ZNF674: variants seen among roughly 807,000 people sequenced by gnomAD.
The protein encoded by ZNF674 is zinc finger protein 674.
Under a neutral mutation model 7.0 loss-of-function variants are expected in ZNF674, and 2 were observed. The ratio of observed to expected loss-of-function variants is 0.29; its 90% CI spans 0.12 to 0.90. The LOEUF (loss-of-function observed/expected upper bound fraction) is 0.90. Ranked by LOEUF, ZNF674 falls within the 40% of genes least tolerant of loss-of-function variation. The pLI is 0.57. For missense variants in ZNF674, 297 were observed against 415.5 expected (o/e 0.71, Z 2.48); for synonymous variants, 103 against 145.2 (o/e 0.71, Z 2.09).
chrX:46,511,046 T>C (rs1941644428), intron 5 of ZNF674, among the ~76,000 whole-genome samples: 1 of 111,851 alleles, frequency 8.9e-6, no homozygotes, highest in Admixed American at 9.6e-5. Flanking sequence ...AACAATGCAT[T>C]TGTGGCACAT....
chrX:46,508,825 A>T (rs2146593227), intron 5 of ZNF674, among the ~76,000 whole-genome samples: 1 of 110,840 alleles, frequency 9.0e-6, no homozygotes, highest in African/African-American at 3.3e-5. Flanking sequence ...GTATCCTGAG[A>T]CTTTGCTGAA....
intron 3 of ZNF674, among the ~76,000 whole-genome samples, chrX:46,532,555 A>G (rs947062180): frequency 3.6e-5 from 4 of 112,019 alleles, no homozygotes; most frequent in Non-Finnish European, 7.5e-5. Context: ...TAAACCACGC[A>G]GTGTCAAGTT....
Position 46,499,772 on chromosome X carries a change from A to G in ZNF674, c.*71T>C, listed in dbSNP as rs1284463525. 5 of 798,501 alleles carry G rather than the reference A, an allele frequency of 6.3e-6. No homozygotes were observed. The highest frequency in any genetic ancestry group is 8.5e-6 in the Non-Finnish European group (5 of 589,198). 65.8% of individuals were successfully genotyped at this position (798,501 alleles called of 1,213,427 possible). ...TAAGATTACTCGCCATGATTATTTGACAAATAATGAGACTAGTAATAGTCA... is the reference window on the plus strand; with the variant it reads ...TAAGATTACTCGCCATGATTATTTGGCAAATAATGAGACTAGTAATAGTCA... On this transcript the variant is annotated 3_prime_UTR_variant, in exon 6 of 6. Coordinates refer to ENST00000683375, the MANE Select transcript of ZNF674 (RefSeq NM_001190417.2).
intron 3 of ZNF674, among the ~76,000 whole-genome samples, chrX:46,534,809 C>T (rs1942173194): frequency 9.1e-6 from 1 of 109,778 alleles, no homozygotes; most frequent in Non-Finnish European, 1.9e-5. Flanking sequence ...GTTGTGATCT[C>T]AGCTCACTGC....
chrX:46,512,992 C>G (rs1390876466), intron 5 of ZNF674, among the ~76,000 whole-genome samples: 1 of 110,399 alleles, frequency 9.1e-6, no homozygotes, highest in African/African-American at 3.3e-5. Context: ...TGGCTGGGCA[C>G]AGTGGCTCAT....
intron 5 of ZNF674, among the ~76,000 whole-genome samples, chrX:46,520,352 T>G (rs926182378): frequency 2.7e-5 from 3 of 110,819 alleles, no homozygotes; most frequent in Non-Finnish European, 3.8e-5. Flanking sequence ...TGAGACCAGA[T>G]CGCACCATTG....
At chrX:46,528,500 C>A in intron 4 of ZNF674, 55 bp from the exon 5 acceptor site, 1 of 1,136,155 alleles carries the variant, frequency 8.8e-7, no homozygotes, top group Non-Finnish European at 1.2e-6. Flanking sequence ...AATTCCAGAA[C>A]CTAGGCCCAC....
intron 5 of ZNF674, 130 bp from the exon 6 acceptor site, chrX:46,501,465 C>T (rs1941428140): frequency 3.4e-6 from 2 of 590,689 alleles, no homozygotes. Flanking sequence ...AGGACCCTTC[C>T]CATGTCCCAG....
chrX:46,499,926 A>C lies in ZNF674; in HGVS notation c.1648T>G (p.Cys550Gly). ...RTHTGEKPYECRDCGKAFSGK... is the reference protein window; with the variant it reads ...RTHTGEKPYEGRDCGKAFSGK... ...CTGAATGCTTTCCCACAGTCTCTGCATTCATAAGGTTTCTCTCCTGTATGA... is the reference window on the plus strand; with the variant it reads ...CTGAATGCTTTCCCACAGTCTCTGCCTTCATAAGGTTTCTCTCCTGTATGA... Residue 550 changes from cysteine (C) to glycine (G), a missense_variant, in exon 6 of 6, where the codon TGC (cysteine) becomes GGC (glycine). Physicochemically the swap from Cys to Gly is radical, Grantham distance 159. Transcript: ENST00000683375. The C allele has an allele frequency of 1.7e-6, 2 of 1,183,984 alleles. No homozygotes were observed. The highest frequency in any genetic ancestry group is 3.0e-5 in the East Asian group (1 of 33,494).
At chrX:46,522,038 A>G (rs1941924580) in intron 5 of ZNF674, among the ~76,000 whole-genome samples, 1 of 108,038 alleles carries the variant, frequency 9.3e-6, no homozygotes, top group Admixed American at 1.0e-4. Context: ...CAAGTTCTCT[A>G]TAAAATATGA....
At chrX:46,519,061 G>T (rs5905547) in intron 5 of ZNF674, among the ~76,000 whole-genome samples, 24,025 of 105,959 alleles carry the variant, frequency 0.23, 2,631 homozygotes, top group Middle Eastern at 0.36. Flanking sequence ...AACTTAGCTG[G>T]GCGTGGTGGT....
At position 46,542,131 on chromosome X, in the gene ZNF674, T is replaced by G; in HGVS notation, c.-29-15A>C. ...AGGATGGAGATCTACAAATACAGAA[T>G]TAGAAGGGTTGAGTTCAGTGGGTAT... On this transcript the variant is annotated splice_polypyrimidine_tract_variant and intron_variant, in intron 2 of 5. Transcript: ENST00000683375. The G allele has an allele frequency of 9.1e-7, 1 of 1,104,619 alleles. No homozygotes were observed. Among genetic ancestry groups the G allele is most frequent in the Non-Finnish European group, 1.2e-6 (1 of 804,118 alleles). The allele number at this position is 1,104,619 out of a possible 1,213,427, so 91.0% of individuals were successfully genotyped here.
intron 5 of ZNF674, among the ~76,000 whole-genome samples, chrX:46,508,540 T>C (rs1301639316): frequency 1.8e-5 from 2 of 111,518 alleles, no homozygotes; most frequent in African/African-American, 6.5e-5. Flanking sequence ...ATTGAATCTA[T>C]AAATTACCTT....
At chrX:46,519,931 C>T (rs984126329) in intron 5 of ZNF674, among the ~76,000 whole-genome samples, 1 of 112,085 alleles carries the variant, frequency 8.9e-6, no homozygotes, top group African/African-American at 3.2e-5. Flanking sequence ...CATACAACAA[C>T]CTGAACGAAT....
chrX:46,531,085 A>T (rs1942100614), intron 3 of ZNF674, among the ~76,000 whole-genome samples: 1 of 113,201 alleles, frequency 8.8e-6, no homozygotes, highest in South Asian at 3.6e-4. Context: ...CTTGTTTCTC[A>T]AAAACAACAA....
rs1230952726 is a variant in ZNF674, at chrX:46,498,012, T to C, written c.*1831A>G. The stretch of plus-strand genomic sequence containing the variant: ...AACTTTACTCATCACAAAATTTTTA[T>C]ATGTCAACCACCCAGAATCACTGAT... On this transcript the variant is annotated 3_prime_UTR_variant, in exon 6 of 6. Coordinates refer to ENST00000683375, the MANE Select transcript of ZNF674 (RefSeq NM_001190417.2). The C allele has an allele frequency of 9.0e-6, 1 of 111,590 alleles. No homozygotes were observed. The highest frequency in any genetic ancestry group is 1.9e-5 in the Non-Finnish European group (1 of 53,102). The allele number at this position is 111,590 out of a possible 1,213,427, so 9.2% of individuals were successfully genotyped here.
chrX:46,512,579 G>A (rs1470029233), intron 5 of ZNF674, among the ~76,000 whole-genome samples: 1 of 108,144 alleles, frequency 9.2e-6, no homozygotes, highest in Non-Finnish European at 1.9e-5. Context: ...TGGCCAACAT[G>A]GTGAAACCCC....
intron 5 of ZNF674, among the ~76,000 whole-genome samples, chrX:46,511,556 G>A (rs992893992): frequency 3.6e-5 from 4 of 112,136 alleles, no homozygotes; most frequent in African/African-American, 1.3e-4. Flanking sequence ...GTATAAAGAT[G>A]CCAATTCCCA....
intron 5 of ZNF674, among the ~76,000 whole-genome samples, chrX:46,501,812 T>C (rs1045422703): frequency 9.1e-6 from 1 of 109,794 alleles, no homozygotes; most frequent in African/African-American, 3.3e-5. Flanking sequence ...AGAATTAGGC[T>C]TTTGATGTCT....
Sources: gnomAD v4.1 joint callset for allele counts (sites outside exome capture counted in the v4.1 genomes callset) on GRCh38, gnomAD v4.1.1 for gene constraint, MANE v1.5 for transcripts, NCBI Gene and HGNC (gene_info 2026-07-23, HGNC 2026-07-21) for gene names.